ME3: variants seen among roughly 807,000 people sequenced by gnomAD.
The protein encoded by ME3 is malic enzyme 3.
A neutral mutation model predicts 68.9 loss-of-function variants in ME3; 48 were observed. That is an observed-to-expected ratio of 0.70 (90% CI 0.55 to 0.89). ME3 has a LOEUF of 0.89. ME3 is among the 40% of genes least tolerant of loss of function. The pLI, the probability that ME3 is intolerant of heterozygous loss-of-function variation, is 0.00. For missense variants in ME3, 675 were observed against 797.4 expected, an observed-to-expected ratio of 0.85 and a Z score of 1.85; for synonymous variants, 320 against 318.8, an observed-to-expected ratio of 1.00 and a Z score of -0.04.
In ME3 at chr11:86,671,970, G is replaced by A; in HGVS notation, c.-14-12C>T. The stretch of plus-strand genomic sequence containing the variant: ...GGTCCTTGGCAGACCTGGCACGGGA[G>A]AGAAAGCAAGGTCAGGGCCTCCTTC... On this transcript the variant is annotated splice_polypyrimidine_tract_variant and intron_variant, in intron 1 of 14. Transcript: ENST00000543262. The A allele has an allele frequency of 1.4e-6, 2 of 1,386,314 alleles. No homozygotes were observed. Among genetic ancestry groups the A allele is most frequent in the Non-Finnish European group, 1.9e-6 (2 of 1,077,414 alleles). The allele number at this position is 1,386,314 out of a possible 1,614,324, so 85.9% of individuals were successfully genotyped here.
At chr11:86,557,244 G>A (rs1435211162) in intron 3 of ME3, among the ~76,000 whole-genome samples, 3 of 152,126 alleles carry the variant, frequency 2.0e-5, no homozygotes, top group Non-Finnish European at 2.9e-5. Context: ...TTCCTGTCAC[G>A]AGTTGTGATT....
intron 5 of ME3, 65 bp downstream of exon 5, chr11:86,508,727 A>T: frequency 7.0e-7 from 1 of 1,436,684 alleles, no homozygotes; most frequent in Admixed American, 1.7e-5. Flanking sequence ...GATGGAAATG[A>T]CTCTGGTTTA....
At chr11:86,547,664 C>CA (rs879924183) in intron 4 of ME3, among the ~76,000 whole-genome samples, 9 of 151,494 alleles carry the variant, frequency 5.9e-5, no homozygotes, top group Admixed American at 3.3e-4. Context: ...AAACCAAAAA[C>CA]AAAAAAAATA....
At chr11:86,439,589 A>G (rs1001553738), downstream of ME3, among the ~76,000 whole-genome samples, 14 of 152,372 alleles carry the variant, frequency 9.2e-5, no homozygotes, top group South Asian at 2.1e-4. Flanking sequence ...GAGACCAAGC[A>G]TGGATAGTAT....
chr11:86,477,048 T>C (rs934188385), intron 7 of ME3, among the ~76,000 whole-genome samples: 2 of 152,148 alleles, frequency 1.3e-5, no homozygotes, highest in Non-Finnish European at 2.9e-5. Context: ...GCAAACATGA[T>C]TTTTTTACTA....
At chr11:86,547,792 T>C (rs529808609) in intron 4 of ME3, among the ~76,000 whole-genome samples, 39 of 152,322 alleles carry the variant, frequency 2.6e-4, no homozygotes, top group Admixed American at 2.4e-3. Flanking sequence ...CCTGCTTATA[T>C]GTACGTATTT....
At chr11:86,672,032 GGCCTGATCCGGGGACGC>G (rs1946986348) in intron 1 of ME3, 74 bp from the exon 2 acceptor site, 5 of 1,205,532 alleles carry the variant, frequency 4.1e-6, no homozygotes, top group Non-Finnish European at 5.4e-6. Context: ...CGGGGCACCG[GGCCTGATCCGGGGACGC>G]GCCCTCTGGG....
chr11:86,500,573 G>T (rs1379803883), intron 5 of ME3, among the ~76,000 whole-genome samples: 1 of 152,052 alleles, frequency 6.6e-6, no homozygotes, highest in African/African-American at 2.4e-5. Context: ...CCATTCCCAG[G>T]CTCAAAGACC....
At chr11:86,539,426 A>G (rs1242681983) in intron 4 of ME3, among the ~76,000 whole-genome samples, 1 of 152,200 alleles carries the variant, frequency 6.6e-6, no homozygotes. Flanking sequence ...ACATTGGCTT[A>G]TATTGGCTTA....
At chr11:86,442,184 T>C (rs1949032923) in intron 14 of ME3, among the ~76,000 whole-genome samples, 1 of 152,236 alleles carries the variant, frequency 6.6e-6, no homozygotes, top group Non-Finnish European at 1.5e-5. Context: ...TTGCACCATG[T>C]TCTGATTCTT....
At chr11:86,529,829 A>G (rs1020895848) in intron 4 of ME3, among the ~76,000 whole-genome samples, 5 of 152,206 alleles carry the variant, frequency 3.3e-5, no homozygotes, top group African/African-American at 4.8e-5. Context: ...AACTCTCAAT[A>G]AATTAGGTAT....
intron 4 of ME3, among the ~76,000 whole-genome samples, chr11:86,537,302 G>C (rs758289352): frequency 3.3e-5 from 5 of 151,056 alleles, no homozygotes; most frequent in Admixed American, 1.3e-4. Context: ...AAAACAGTTC[G>C]AAGTGCTACA....
intron 2 of ME3, among the ~76,000 whole-genome samples, chr11:86,617,418 G>A (rs1192668530): frequency 6.6e-6 from 1 of 152,106 alleles, no homozygotes; most frequent in Non-Finnish European, 1.5e-5. Flanking sequence ...AAGACAAACT[G>A]TTGCATGAAT....
At chr11:86,500,419 G>A (rs1194757366) in intron 5 of ME3, among the ~76,000 whole-genome samples, 1 of 152,154 alleles carries the variant, frequency 6.6e-6, no homozygotes, top group Non-Finnish European at 1.5e-5. Context: ...TCCATCTACT[G>A]TCCACCCGCA....
intron 2 of ME3, among the ~76,000 whole-genome samples, chr11:86,640,381 C>G (rs75218247): frequency 6.6e-6 from 1 of 152,328 alleles, no homozygotes; most frequent in East Asian, 1.9e-4. Flanking sequence ...CTCAGTGACC[C>G]TGAAGTGCTT....
chr11:86,671,561 C>T, intron 2 of ME3: 3 of 594,884 alleles, frequency 5.0e-6, no homozygotes, highest in Non-Finnish European at 8.5e-6. Flanking sequence ...CCCTGCATTA[C>T]TGGTCGCCTC....
intron 4 of ME3, among the ~76,000 whole-genome samples, chr11:86,534,249 C>T (rs902639912): frequency 6.6e-6 from 1 of 152,074 alleles, no homozygotes; most frequent in South Asian, 2.1e-4. Flanking sequence ...CTTTATAACA[C>T]TGTATACTTA....
At chr11:86,624,717 T>C (rs1309020019) in intron 2 of ME3, among the ~76,000 whole-genome samples, 1 of 152,242 alleles carries the variant, frequency 6.6e-6, no homozygotes, top group Non-Finnish European at 1.5e-5. Flanking sequence ...AAACATACCA[T>C]TCTTCGGCTT....
chr11:86,517,975 G>T (rs1178776767), intron 4 of ME3, among the ~76,000 whole-genome samples: 1 of 152,198 alleles, frequency 6.6e-6, no homozygotes, highest in Admixed American at 6.5e-5. Flanking sequence ...TTAAATAAAA[G>T]AATATATATC....
Sources: allele counts gnomAD v4.1 joint callset (sites outside exome capture counted in the v4.1 genomes callset), GRCh38; gene constraint gnomAD v4.1.1; transcripts MANE v1.5; gene names NCBI Gene and HGNC (gene_info 2026-07-23, HGNC 2026-07-21).